NOX3: variants seen among roughly 807,000 people sequenced by gnomAD.
NOX3 encodes NADPH oxidase 3.
Under a neutral mutation model 76.7 loss-of-function variants are expected in NOX3, and 74 were observed. The observed-to-expected ratio is 0.96, with a 90% CI of 0.80 to 1.17. The LOEUF (loss-of-function observed/expected upper bound fraction) is 1.17, where lower values mean the gene tolerates loss of function less well. Ranked by LOEUF, NOX3 falls within the 50% of genes most tolerant of loss-of-function variation. NOX3 has a pLI of 0.00. For synonymous variants in NOX3, 263 were observed against 261.1 expected (o/e 1.01, Z -0.07); for missense variants, 695 against 703.3 (o/e 0.99, Z 0.13).
intron 4 of NOX3, among the ~76,000 whole-genome samples, chr6:155,449,005 A>G (rs1777100834): frequency 6.6e-6 from 1 of 152,092 alleles, no homozygotes; most frequent in Admixed American, 6.6e-5. Context: ...ATCACATTAA[A>G]TCCTGTCAGG....
chr6:155,440,676 G>C (rs200455448), intron 5 of NOX3, among the ~76,000 whole-genome samples: 1 of 91,162 alleles, frequency 1.1e-5, no homozygotes, highest in South Asian at 3.9e-4. Flanking sequence ...TGGGAAAAAA[G>C]AAAAAACAAA....
rs1353335390 is a variant in NOX3 at position 155,437,376 on chromosome 6, C to G, written c.669-829G>C. On this transcript the variant is annotated intron_variant, in intron 6 of 13. Coordinates refer to ENST00000159060, the MANE Select transcript of NOX3 (RefSeq NM_015718.3). ...GTTTTGAGAAACATGCTACTCTAGA[C>G]TGAGAAACCTTAGCATCACACAGAC... Among the ~76,000 whole-genome samples, 3 of 152,174 alleles carry G rather than the reference C, an allele frequency of 2.0e-5. No individual in the cohort carries two copies. The East Asian group carries it at 5.8e-4, about 29-fold the overall frequency.
intron 4 of NOX3, among the ~76,000 whole-genome samples, chr6:155,451,179 A>G (rs1376681253): frequency 6.6e-6 from 1 of 152,062 alleles, no homozygotes; most frequent in Non-Finnish European, 1.5e-5. Flanking sequence ...GGGTTTCACC[A>G]TGTTGGTCAG....
At position 155,422,802 on chromosome 6, in the gene NOX3, T is replaced by C; in HGVS notation, c.1200A>G (p.Pro400=). ...TCCCCGCGGCAACGCACACACACAC[T>C]GGGTAGTGAAATACATCTGTCAGGG... is the stretch of plus-strand genomic sequence containing the variant. ...GTALTDVFHY[P]VCVCVAAGIG... The change falls in exon 10 of 14, where the codon CCA becomes CCG. Residue 400 remains proline, a synonymous_variant. Coordinates refer to ENST00000159060, the MANE Select transcript of NOX3 (RefSeq NM_015718.3). The C allele has an allele frequency of 1.2e-6, 2 of 1,614,136 alleles. No individual in the cohort carries two copies. Among genetic ancestry groups the C allele is most frequent in the Non-Finnish European group, 1.7e-6 (2 of 1,179,992 alleles).
chr6:155,453,338 A>T, intron 4 of NOX3, 66 bp downstream of exon 4: 1 of 1,276,824 alleles, frequency 7.8e-7, no homozygotes, highest in Non-Finnish European at 1.1e-6. Flanking sequence ...AGGCAGAGTT[A>T]AAACAAAACT....
chr6:155,399,711 G>A (rs1185248584), intron 12 of NOX3, among the ~76,000 whole-genome samples: 2 of 149,358 alleles, frequency 1.3e-5, no homozygotes, highest in Admixed American at 6.7e-5. Context: ...GTGTTTAAGG[G>A]ACAGATGTGG....
chr6:155,429,026 C>T lies in NOX3; in HGVS notation c.913G>A (p.Val305Ile). 2.5e-6 allele frequency: 4 copies of T among 1,603,546 alleles called. No homozygotes were observed. Among genetic ancestry groups the T allele is most frequent in the African/African-American group, 1.3e-5 (1 of 74,790 alleles). The stretch of plus-strand genomic sequence containing the variant: ...CGCTTTTTCATGTGAAGTTCCAGGA[C>T]TCCAGAGGGGTGGCTTACCACCTAT... ...ITKVVSHPSG[V>I]LELHMKKRGF... Residue 305 changes from valine to isoleucine, a missense_variant, in exon 9 of 14, where the codon GTC becomes ATC. Transcript: ENST00000159060.
intron 5 of NOX3, 49 bp downstream of exon 5, chr6:155,443,224 A>G: frequency 6.3e-7 from 1 of 1,578,096 alleles, no homozygotes; most frequent in South Asian, 1.2e-5. Context: ...GAGGACTGGA[A>G]AAGGACGGAT....
intron 9 of NOX3, among the ~76,000 whole-genome samples, chr6:155,427,005 G>A (rs937576728): frequency 7.0e-6 from 1 of 142,998 alleles, no homozygotes; most frequent in African/African-American, 2.6e-5. Flanking sequence ...GTGTGTGTGT[G>A]TGTGTGTGTG....
Position 155,422,812 on chromosome 6 carries a change from A to AAT in NOX3, c.1188_1189dup (p.Phe397TyrfsTer23). ...AACGCACACACACACTGGGTAGTGAAATACATCTGTCAGGGCAGTTCCAAA... is the reference window on the plus strand; with the variant it reads ...AACGCACACACACACTGGGTAGTGAAATATACATCTGTCAGGGCAGTTCCAAA... On this transcript the variant is annotated frameshift_variant, in exon 10 of 14. Transcript: ENST00000159060. LOFTEE classifies it high-confidence loss of function. 1 of 1,614,230 alleles carries AAT rather than the reference A, an allele frequency of 6.2e-7. No homozygotes were observed. Among genetic ancestry groups the AAT allele is most frequent in the Non-Finnish European group, 8.5e-7 (1 of 1,180,034 alleles).
At chr6:155,440,189 G>A in intron 5 of NOX3, 52 bp from the exon 6 acceptor site, 1 of 1,386,258 alleles carries the variant, frequency 7.2e-7, no homozygotes, top group Non-Finnish European at 9.7e-7. Context: ...AAAACACCTT[G>A]ACATTAAATA....
At chr6:155,430,804 C>T (rs775705629) in intron 8 of NOX3, 39 bp downstream of exon 8, 10 of 1,422,210 alleles carry the variant, frequency 7.0e-6, no homozygotes, top group Non-Finnish European at 9.8e-6. Flanking sequence ...TTTTCATCTA[C>T]ACTCAGGCTT....
At chr6:155,413,257 C>T (rs994936992) in intron 10 of NOX3, among the ~76,000 whole-genome samples, 2 of 151,912 alleles carry the variant, frequency 1.3e-5, no homozygotes, top group Non-Finnish European at 2.9e-5. Flanking sequence ...GTGGGAAGTG[C>T]GGAGGTCCTG....
intron 10 of NOX3, among the ~76,000 whole-genome samples, chr6:155,418,819 A>G (rs7769639): frequency 0.056 from 8,475 of 152,210 alleles, 260 homozygotes; most frequent in African/African-American, 0.083. Flanking sequence ...TTTGGTGCAC[A>G]TTTTTTCCTA....
At chr6:155,447,528 T>G (rs1049554759) in intron 4 of NOX3, among the ~76,000 whole-genome samples, 1 of 152,212 alleles carries the variant, frequency 6.6e-6, no homozygotes, top group Non-Finnish European at 1.5e-5. Context: ...AAGAAACTAA[T>G]GAAGGAGTAC....
At position 155,436,520 on chromosome 6, in the gene NOX3, G is replaced by C. The variant is rs913878379; in HGVS notation, c.696C>G (p.Asp232Glu). The change falls in exon 7 of 14, where the codon GAC (aspartate) becomes GAG (glutamate). Residue 232 changes from aspartate (D) to glutamate (E), a missense_variant. Physicochemically the swap from Asp to Glu is conservative, Grantham distance 45 (BLOSUM62 2). Transcript: ENST00000159060. ...TGRIVRGQTQ[D>E]SLSLHNITFC... ...AGGTGATGTTGTGCAGAGAGAGACT[G>C]TCTTGGGTTTGGCCTCGAACAATCC... The C allele has an allele frequency of 6.2e-7, 1 of 1,614,126 alleles. No homozygotes were observed. The highest frequency in any genetic ancestry group is 8.5e-7 in the Non-Finnish European group (1 of 1,180,006).
intron 12 of NOX3, among the ~76,000 whole-genome samples, chr6:155,399,376 T>G (rs1779184990): frequency 6.6e-6 from 1 of 152,188 alleles, no homozygotes. Context: ...CCTGGTGTTC[T>G]CCTGGTGTCC....
At chr6:155,420,322 T>G (rs542854257) in intron 10 of NOX3, among the ~76,000 whole-genome samples, 1 of 152,328 alleles carries the variant, frequency 6.6e-6, no homozygotes, top group South Asian at 2.1e-4. Context: ...ATGAAGTGAC[T>G]TTTAGTGTCG....
chr6:155,423,671 C>T (rs556014010), intron 9 of NOX3, among the ~76,000 whole-genome samples: 36 of 152,090 alleles, frequency 2.4e-4, no homozygotes, highest in South Asian at 4.2e-4. Context: ...TACTGCCACA[C>T]GGCCTTTGCA....
Sources: gnomAD v4.1 joint callset for allele counts (sites outside exome capture counted in the v4.1 genomes callset) on GRCh38, gnomAD v4.1.1 for gene constraint, MANE v1.5 for transcripts, NCBI Gene and HGNC (gene_info 2026-07-23, HGNC 2026-07-21) for gene names.